GABRB1: variants seen among roughly 807,000 people sequenced by gnomAD.
GABRB1 encodes the protein gamma-aminobutyric acid type A receptor subunit beta1.
In GABRB1, 17 loss-of-function variants were observed where a neutral mutation model predicts 51.6. The observed-to-expected ratio is 0.33, with a 90% confidence interval of 0.23 to 0.49. The LOEUF (loss-of-function observed/expected upper bound fraction) is 0.49, where lower values mean the gene tolerates loss of function less well. Ranked by LOEUF, GABRB1 falls within the 20% of genes least tolerant of loss-of-function variation. The pLI is 0.99. For missense variants in GABRB1, 410 were observed against 600.6 expected (o/e 0.68, Z 3.32); for synonymous variants, 247 against 218.9 (o/e 1.13, Z -1.14).
intron 5 of GABRB1, among the ~76,000 whole-genome samples, chr4:47,369,119 A>T (rs185417501): frequency 0.011 from 1,621 of 151,906 alleles, 32 homozygotes; most frequent in African/African-American, 0.037. Context: ...ATTTAAAAAA[A>T]TTTTTTTTTA....
At chr4:47,209,909 T>A (rs1173158377) in intron 4 of GABRB1, among the ~76,000 whole-genome samples, 1 of 152,142 alleles carries the variant, frequency 6.6e-6, no homozygotes, top group East Asian at 1.9e-4. Context: ...GCTTCTGTTG[T>A]GCCCCTTCCC....
At chr4:47,032,034 A>C (rs1385682496) in intron 2 of GABRB1, 29 bp downstream of exon 2, 1 of 1,502,906 alleles carries the variant, frequency 6.7e-7, no homozygotes. Flanking sequence ...TCAACCTGTA[A>C]CCCATCCTTA....
chr4:47,090,030 G>C (rs1386827871), intron 3 of GABRB1, among the ~76,000 whole-genome samples: 1 of 152,074 alleles, frequency 6.6e-6, no homozygotes, highest in East Asian at 1.9e-4. Flanking sequence ...TATCACATTT[G>C]GGACTGTTCT....
intron 4 of GABRB1, among the ~76,000 whole-genome samples, chr4:47,319,819 T>C (rs551936415): frequency 6.6e-6 from 1 of 152,298 alleles, no homozygotes; most frequent in East Asian, 1.9e-4. Context: ...CCCTGGGCTT[T>C]TCTTTGTTGG....
At position 47,013,419 on chromosome 4, in the gene GABRB1, C is replaced by T. The variant is rs557455137; in HGVS notation, c.-19-18495C>T. On this transcript the variant is annotated intron_variant, in intron 1 of 3. Transcript: ENST00000513567. The stretch of plus-strand genomic sequence containing the variant: ...AGGTGATCCACCCACCCTAGCCTCC[C>T]GAGTGCTGGGATTACAGGACTGATC... 4.6e-5 allele frequency among the ~76,000 whole-genome samples: 7 copies of T among 152,166 alleles called. No individual in the cohort carries two copies. The East Asian group carries it at 1.2e-3, about 25-fold the overall frequency.
At chr4:47,152,719 A>T (rs1717516044) in intron 3 of GABRB1, among the ~76,000 whole-genome samples, 1 of 151,890 alleles carries the variant, frequency 6.6e-6, no homozygotes, top group Admixed American at 6.6e-5. Flanking sequence ...TTCAGCCCCC[A>T]ATCTTCAACT....
chr4:47,328,658 A>T (rs1725344781), intron 5 of GABRB1, among the ~76,000 whole-genome samples: 1 of 152,152 alleles, frequency 6.6e-6, no homozygotes, highest in Non-Finnish European at 1.5e-5. Context: ...TCAGCAAACT[A>T]TCACAAGGAC....
At chr4:46,994,462 A>ATGTG (rs146901515) in intron 1 of GABRB1, 2,076 of 140,200 alleles carry the variant, frequency 0.015, 43 homozygotes, top group African/African-American at 0.05. Flanking sequence ...GAAAGAGAAA[A>ATGTG]TGTGTGTGTG....
intron 3 of GABRB1, among the ~76,000 whole-genome samples, chr4:47,085,635 G>A (rs1728026129): frequency 6.6e-6 from 1 of 152,070 alleles, no homozygotes; most frequent in Admixed American, 6.5e-5. Context: ...AGAACATATT[G>A]AATTTATTAT....
chr4:47,234,989 A>G (rs1019483466), intron 4 of GABRB1, among the ~76,000 whole-genome samples: 33 of 152,240 alleles, frequency 2.2e-4, no homozygotes, highest in African/African-American at 7.5e-4. Context: ...CATCTTTTAC[A>G]TTGTTCTATC....
intron 4 of GABRB1, among the ~76,000 whole-genome samples, chr4:47,206,056 T>TAA (rs142712255): frequency 0.14 from 20,814 of 149,336 alleles, 1,849 homozygotes; most frequent in East Asian, 0.31. Flanking sequence ...TTCACAGGAT[T>TAA]AAAAAAAAAA....
chr4:47,075,691 C>T (rs958477558), intron 3 of GABRB1, among the ~76,000 whole-genome samples: 1 of 152,028 alleles, frequency 6.6e-6, no homozygotes, highest in South Asian at 2.1e-4. Context: ...TTACTACTTG[C>T]CACACCAGTA....
chr4:47,209,343 T>C, intron 4 of GABRB1, among the ~76,000 whole-genome samples: 1 of 152,084 alleles, frequency 6.6e-6, no homozygotes, highest in East Asian at 1.9e-4. Context: ...TAGAATCTCA[T>C]AGCTTCAGCT....
intron 5 of GABRB1, among the ~76,000 whole-genome samples, chr4:47,340,586 T>C (rs1354729377): frequency 2.0e-5 from 3 of 152,110 alleles, no homozygotes; most frequent in South Asian, 2.1e-4. Context: ...GCAGAAGGGA[T>C]TAGCTGGATC....
chr4:47,268,547 A>G (rs1458265021), intron 4 of GABRB1, among the ~76,000 whole-genome samples: 1 of 152,186 alleles, frequency 6.6e-6, no homozygotes, highest in African/African-American at 2.4e-5. Flanking sequence ...AGGTAAGAGT[A>G]TCATTTAATT....
At chr4:47,037,446 T>A (rs973397868) in intron 3 of GABRB1, among the ~76,000 whole-genome samples, 2 of 152,182 alleles carry the variant, frequency 1.3e-5, no homozygotes, top group African/African-American at 4.8e-5. Flanking sequence ...GGTTCTGGGT[T>A]ACAATTTTAT....
intron 4 of GABRB1, among the ~76,000 whole-genome samples, chr4:47,256,988 A>G (rs1359916040): frequency 6.6e-6 from 1 of 152,172 alleles, no homozygotes; most frequent in Non-Finnish European, 1.5e-5. Context: ...TGTTTCAGTT[A>G]TCTTCCACTT....
At chr4:47,208,131 G>A (rs1332158605) in intron 4 of GABRB1, among the ~76,000 whole-genome samples, 1 of 152,050 alleles carries the variant, frequency 6.6e-6, no homozygotes, top group East Asian at 1.9e-4. Flanking sequence ...GTTTGTGTGT[G>A]TACAATGACA....
intron 3 of GABRB1, among the ~76,000 whole-genome samples, chr4:47,090,291 G>T (rs1274815468): frequency 6.6e-6 from 1 of 152,176 alleles, no homozygotes; most frequent in Non-Finnish European, 1.5e-5. Context: ...CTTACAATAG[G>T]ATTCTATTCC....
Sources: allele counts gnomAD v4.1 joint callset (sites outside exome capture counted in the v4.1 genomes callset), GRCh38; gene constraint gnomAD v4.1.1; transcripts MANE v1.5; gene names NCBI Gene and HGNC (gene_info 2026-07-23, HGNC 2026-07-21).